Variants in SIPA1L1 observed in about 807,000 individuals in gnomAD.
SIPA1L1 encodes signal induced proliferation associated 1 like 1, also known as signal-induced proliferation-associated 1-like protein 1.
A neutral mutation model predicts 162.7 loss-of-function variants in SIPA1L1; 26 were observed. The observed-to-expected ratio is 0.16, with a 90% confidence interval of 0.12 to 0.22. SIPA1L1 has a LOEUF of 0.22. Among genes scored for constraint, SIPA1L1 ranks in the 10% least tolerant of loss-of-function variants. The pLI, the probability that SIPA1L1 is intolerant of heterozygous loss-of-function variation, is 1.00. For synonymous variants in SIPA1L1, 829 were observed against 837.4 expected (o/e 0.99, Z 0.17); for missense variants, 1,874 against 2,241.0 (o/e 0.84, Z 3.31).
At chr14:71,356,940 AT>A (rs2037333819) in intron 2 of SIPA1L1, among the ~76,000 whole-genome samples, 1 of 152,150 alleles carries the variant, frequency 6.6e-6, no homozygotes, top group African/African-American at 2.4e-5. Context: ...GTTGAGACTT[AT>A]GAATCAGTTA....
intron 2 of SIPA1L1, among the ~76,000 whole-genome samples, chr14:71,368,238 C>T (rs1313340295): frequency 1.4e-5 from 2 of 141,054 alleles, no homozygotes; most frequent in Non-Finnish European, 3.1e-5. Flanking sequence ...TATACATGTG[C>T]CATGCTGGTG....
At chr14:71,358,127 G>T (rs529556498) in intron 2 of SIPA1L1, among the ~76,000 whole-genome samples, 1 of 152,214 alleles carries the variant, frequency 6.6e-6, no homozygotes, top group East Asian at 1.9e-4. Context: ...CTCCCAAAGT[G>T]CTGGGATTAC....
chr14:71,655,972 T>TGC (rs2043020769), intron 8 of SIPA1L1, among the ~76,000 whole-genome samples: 4 of 152,150 alleles, frequency 2.6e-5, no homozygotes, highest in Admixed American at 2.6e-4. Context: ...TTTTTCATTC[T>TGC]TTCTGGTAAA....
At chr14:71,502,279 T>TATATATATATATATA (rs1567115008) in intron 2 of SIPA1L1, among the ~76,000 whole-genome samples, 8 of 144,856 alleles carry the variant, frequency 5.5e-5, no homozygotes, top group African/African-American at 2.0e-4. Context: ...TATATATATA[T>TATATATATATATATA]TTGAGACAGA....
intron 2 of SIPA1L1, among the ~76,000 whole-genome samples, chr14:71,421,406 A>ATCTCT (rs2043178621): frequency 6.6e-6 from 1 of 152,056 alleles, no homozygotes; most frequent in African/African-American, 2.4e-5. Context: ...CAGCCTGGGC[A>ATCTCT]ACATAGTGAG....
At chr14:71,560,369 T>G (rs2056691291) in intron 4 of SIPA1L1, among the ~76,000 whole-genome samples, 1 of 152,156 alleles carries the variant, frequency 6.6e-6, no homozygotes, top group Non-Finnish European at 1.5e-5. Context: ...TTTCCTTGAT[T>G]GTGTTGGTAT....
At chr14:71,568,862 A>G (rs2031338842) in intron 4 of SIPA1L1, among the ~76,000 whole-genome samples, 1 of 152,222 alleles carries the variant, frequency 6.6e-6, no homozygotes, top group African/African-American at 2.4e-5. Flanking sequence ...GTCCTTAGGA[A>G]GACAGTTCCT....
At chr14:71,679,283 C>T (rs1018771215) in intron 12 of SIPA1L1, among the ~76,000 whole-genome samples, 13 of 152,210 alleles carry the variant, frequency 8.5e-5, no homozygotes, top group African/African-American at 3.1e-4. Context: ...CAATATTCAA[C>T]ATTCTTAAAG....
intron 4 of SIPA1L1, among the ~76,000 whole-genome samples, chr14:71,551,509 A>G (rs539903513): frequency 1.8e-4 from 28 of 152,302 alleles, no homozygotes; most frequent in African/African-American, 6.0e-4. Flanking sequence ...AACCACATCT[A>G]ATCCATCAGT....
intron 13 of SIPA1L1, among the ~76,000 whole-genome samples, chr14:71,697,488 C>CA (rs369617286): frequency 3.4e-4 from 50 of 147,224 alleles, no homozygotes; most frequent in African/African-American, 8.7e-4. Context: ...TATGTGGTAC[C>CA]AAAAAAAAAA....
intron 2 of SIPA1L1, among the ~76,000 whole-genome samples, chr14:71,420,059 T>C (rs551086247): frequency 6.6e-6 from 1 of 152,294 alleles, no homozygotes; most frequent in South Asian, 2.1e-4. Flanking sequence ...TTTGTAGTTA[T>C]AAGGTAGATA....
chr14:71,573,664 G>A lies in SIPA1L1; in HGVS notation c.-302-13907G>A, dbSNP rs138234941. 6.6e-3 allele frequency: 3,005 copies of A among 456,760 alleles called. 22 individuals carry two copies. The highest frequency in any genetic ancestry group is 0.012 in the South Asian group (803 of 64,576). 28.3% of individuals were successfully genotyped at this position (456,760 alleles called of 1,614,324 possible). A position where few individuals can be genotyped will look rare whatever the true frequency, so the allele number is the denominator to read the frequency against. ...ATGCATTTCCAAATGTCGAAAGAGAGATTGCAGAGCTCAACAACATGAATA... is the reference window on the plus strand; with the variant it reads ...ATGCATTTCCAAATGTCGAAAGAGAAATTGCAGAGCTCAACAACATGAATA... On this transcript the variant is annotated intron_variant, in intron 4 of 23. Transcript: ENST00000381232.
chr14:71,738,369 TACCC>T, intron 23 of SIPA1L1, 44 bp downstream of exon 23: 1 of 1,359,632 alleles, frequency 7.4e-7, no homozygotes, highest in Non-Finnish European at 1.1e-6. Flanking sequence ...CTGTACAAAC[TACCC>T]TTGAACCATG....
In SIPA1L1 at chr14:71,655,996, A is replaced by T. The variant is rs571537601; in HGVS notation, c.1994-2337A>T. Among the ~76,000 whole-genome samples the T allele has an allele frequency of 1.1e-4, 16 of 152,252 alleles. No individual in the cohort carries two copies. The East Asian group carries it at 1.5e-3, about 15-fold the overall frequency. On this transcript the variant is annotated intron_variant, in intron 8 of 23. Coordinates refer to ENST00000381232, the MANE Select transcript of SIPA1L1 (RefSeq NM_001386936.1). ...CTTTCTGGTAAAGTTTAATACCTCT[A>T]TGAAGTGCATAGTAATTTCAGGATT...
chr14:71,663,616 A>T (rs1566595219), intron 10 of SIPA1L1, among the ~76,000 whole-genome samples: 1 of 152,130 alleles, frequency 6.6e-6, no homozygotes, highest in Non-Finnish European at 1.5e-5. Flanking sequence ...CTGCTCAGGG[A>T]GGTATGTTCT....
intron 12 of SIPA1L1, among the ~76,000 whole-genome samples, chr14:71,681,561 A>G (rs1566639812): frequency 6.6e-6 from 1 of 152,212 alleles, no homozygotes; most frequent in Non-Finnish European, 1.5e-5. Flanking sequence ...TTAAAGTGCT[A>G]AAGCATACTG....
chr14:71,634,418 A>C (rs1229440048), intron 7 of SIPA1L1, among the ~76,000 whole-genome samples: 16 of 149,972 alleles, frequency 1.1e-4, no homozygotes, highest in South Asian at 6.3e-4. Context: ...AAAAAAAAAA[A>C]CCCACCTATA....
intron 12 of SIPA1L1, among the ~76,000 whole-genome samples, chr14:71,674,568 TTG>T (rs1161462358): frequency 4.7e-5 from 7 of 150,064 alleles, no homozygotes; most frequent in African/African-American, 1.7e-4. Flanking sequence ...TTGTTTTTTT[TTG>T]TTTTTTTTTT....
chr14:71,479,661 G>C (rs2142568312), intron 2 of SIPA1L1, among the ~76,000 whole-genome samples: 1 of 152,158 alleles, frequency 6.6e-6, no homozygotes, highest in African/African-American at 2.4e-5. Flanking sequence ...TCCTGCCTGG[G>C]CCTCCCAAAG....
Sources: allele counts gnomAD v4.1 joint callset (sites outside exome capture counted in the v4.1 genomes callset), GRCh38; gene constraint gnomAD v4.1.1; transcripts MANE v1.5; gene names NCBI Gene and HGNC (gene_info 2026-07-23, HGNC 2026-07-21).